TMEM165: variants seen among roughly 807,000 people sequenced by gnomAD.
TMEM165 encodes transmembrane protein 165.
A neutral mutation model predicts 30.0 loss-of-function variants in TMEM165; 19 were observed. That is an observed-to-expected ratio of 0.63 (90% confidence interval 0.44 to 0.93). The LOEUF is 0.93. Ranked by LOEUF, TMEM165 falls within the 40% of genes least tolerant of loss-of-function variation. The probability of loss-of-function intolerance (pLI) is 0.00; values close to 1 mark genes in which losing one functional copy is unlikely to be tolerated. For synonymous variants in TMEM165, 168 were observed against 162.9 expected, an observed-to-expected ratio of 1.03 and a Z score of -0.24; for missense variants, 340 against 417.0, an observed-to-expected ratio of 0.82 and a Z score of 1.61.
chr4:55,395,960 T>C lies in TMEM165; in HGVS notation c.-230T>C. 2.7e-6 allele frequency: 1 copy of C among 368,092 alleles called. No homozygotes were observed. The highest frequency in any genetic ancestry group is 4.8e-6 in the Non-Finnish European group (1 of 210,182). The allele number at this position is 368,092 out of a possible 1,614,324, so 22.8% of individuals were successfully genotyped here. On this transcript the variant is annotated 5_prime_UTR_variant, in exon 1 of 6. Coordinates refer to ENST00000381334, the MANE Select transcript of TMEM165 (RefSeq NM_018475.5). ...GGCCGCGCCGAGGCAGCTGGCTGAC[T>C]CCAGTTTAGCCGCCGCCGGAGAGGA...
chr4:55,444,676 T>C (rs1390611889), intron 3 of TMEM165: 17 of 1,614,018 alleles, frequency 1.1e-5, no homozygotes, highest in Non-Finnish European at 1.4e-5. Flanking sequence ...TTCTTGAATT[T>C]TTCTTAGTTC....
At chr4:55,424,860 A>G (rs979403727) in intron 5 of TMEM165, 3 of 517,704 alleles carry the variant, frequency 5.8e-6, no homozygotes, top group African/African-American at 3.9e-5. Context: ...TATCGAATTC[A>G]TAGTAGCTTC....
intron 3 of TMEM165, among the ~76,000 whole-genome samples, chr4:55,435,886 G>A (rs897313307): frequency 1.3e-5 from 2 of 152,126 alleles, no homozygotes; most frequent in Non-Finnish European, 2.9e-5. Flanking sequence ...TTCACTTTAT[G>A]TCCTAAAGAC....
At chr4:55,409,817 G>A (rs1451200134) in intron 1 of TMEM165, among the ~76,000 whole-genome samples, 1 of 152,156 alleles carries the variant, frequency 6.6e-6, no homozygotes, top group Non-Finnish European at 1.5e-5. Context: ...CCAACTTTGG[G>A]TGCGTCTTTG....
intron 2 of TMEM165, among the ~76,000 whole-genome samples, chr4:55,416,447 T>C (rs1721729661): frequency 6.6e-6 from 1 of 152,228 alleles, no homozygotes; most frequent in Non-Finnish European, 1.5e-5. Flanking sequence ...CTTACACAGA[T>C]GTCTTTCCTT....
At chr4:55,403,223 T>C in intron 1 of TMEM165, 1 of 1,282,680 alleles carries the variant, frequency 7.8e-7, no homozygotes, top group Non-Finnish European at 1.0e-6. Context: ...ACTTTGTTTC[T>C]GTTTTTTTGC....
In TMEM165 at chr4:55,417,964, A is replaced by G; in HGVS notation, c.771A>G (p.Thr257=). ...GGGGTGATCGCTCTCAACTAACTAC[A>G]ATTGTATTGGCAGCTAGAGAGGTGA... ...AEWGDRSQLT[T]IVLAAREDPY... The change falls in exon 4 of 6, where the codon ACA becomes ACG. Residue 257 remains threonine (T), a synonymous_variant. Transcript: ENST00000381334. 6.2e-7 allele frequency: 1 copy of G among 1,610,638 alleles called. No individual in the cohort carries two copies. The highest frequency in any genetic ancestry group is 8.5e-7 in the Non-Finnish European group (1 of 1,179,050).
intron 1 of TMEM165, among the ~76,000 whole-genome samples, chr4:55,401,699 T>C (rs1720999918): frequency 6.6e-6 from 1 of 150,618 alleles, no homozygotes; most frequent in African/African-American, 2.5e-5. Flanking sequence ...CTAGCCTTTA[T>C]ACAGCTAAGA....
intron 1 of TMEM165, among the ~76,000 whole-genome samples, chr4:55,402,794 G>GTTTTTTTTTTTTTTTTT (rs1491276185): frequency 1.9e-5 from 1 of 52,520 alleles, no homozygotes; most frequent in African/African-American, 8.3e-5. Flanking sequence ...TTTAAAAAAA[G>GTTTTTTTTTTTTTTTTT]CTTTTTTTTT....
chr4:55,417,195 G>A lies in TMEM165; in HGVS notation c.557G>A (p.Gly186Asp). Reference protein sequence around the residue: ...REGLKMSPDEGQEELEEVQAE... With the variant: ...REGLKMSPDEDQEELEEVQAE... ...GGCTTAAAGATGAGCCCTGATGAGG[G>A]TCAAGAGGAACTGGAAGAAGTTCAA... is the stretch of plus-strand genomic sequence containing the variant. The change falls in exon 3 of 6, where the codon GGT (glycine) becomes GAT (aspartate). Residue 186 changes from glycine (G) to aspartate (D), a missense_variant. Physicochemically the swap from Gly to Asp is moderately conservative, Grantham distance 94 (BLOSUM62 -1). Coordinates refer to ENST00000381334, the MANE Select transcript of TMEM165 (RefSeq NM_018475.5). 1 of 1,613,692 alleles carries A rather than the reference G, an allele frequency of 6.2e-7. No homozygotes were observed. Among genetic ancestry groups the A allele is most frequent in the Non-Finnish European group, 8.5e-7 (1 of 1,179,936 alleles).
At chr4:55,439,537 G>A (rs1723172190) in intron 3 of TMEM165, among the ~76,000 whole-genome samples, 1 of 151,884 alleles carries the variant, frequency 6.6e-6, no homozygotes, top group African/African-American at 2.4e-5. Flanking sequence ...ATGAAAGCAG[G>A]GACTCAAAGA....
At chr4:55,453,236 CTA>C in exon 4 of TMEM165, 1 of 917,582 alleles carries the variant, frequency 1.1e-6, no homozygotes. Flanking sequence ...TTCATCTAGA[CTA>C]TTTGCTATGT....
rs1274361205 is a variant in TMEM165 at position 55,403,500 on chromosome 4, T to TC, written c.207+7104_207+7105insC. 4.5e-4 allele frequency among the ~76,000 whole-genome samples: 62 copies of TC among 138,584 alleles called. 2 individuals are homozygous for TC. In the East Asian group the frequency reaches 0.011, roughly 25 times the overall value. 90.9% of individuals were successfully genotyped at this position (138,584 alleles called of 152,430 possible). ...AATGAGGGTGCCTTTTTCTTTTTCT[T>TC]TTTTTTTTTTTTACAATTTTTACAT... On this transcript the variant is annotated intron_variant, in intron 1 of 5. Coordinates refer to ENST00000381334, the MANE Select transcript of TMEM165 (RefSeq NM_018475.5).
intron 3 of TMEM165, among the ~76,000 whole-genome samples, chr4:55,436,404 TC>T (rs1229638766): frequency 1.3e-5 from 2 of 152,186 alleles, no homozygotes; most frequent in Non-Finnish European, 2.9e-5. Context: ...GAGCCTCTGT[TC>T]CTTTCACCAA....
intron 2 of TMEM165, among the ~76,000 whole-genome samples, chr4:55,413,014 C>T (rs918451576): frequency 2.0e-5 from 3 of 151,714 alleles, no homozygotes; most frequent in Admixed American, 1.3e-4. Flanking sequence ...GAGTCTTGCT[C>T]TATCACTCAG....
At chr4:55,450,919 G>A (rs1724384676) in intron 3 of TMEM165, among the ~76,000 whole-genome samples, 1 of 151,992 alleles carries the variant, frequency 6.6e-6, no homozygotes, top group South Asian at 2.1e-4. Flanking sequence ...AATTGCTTAA[G>A]CCCAGGAGCT....
chr4:55,424,932 TAAA>T, intron 5 of TMEM165: 2 of 394,484 alleles, frequency 5.1e-6, no homozygotes, highest in South Asian at 6.2e-5. Flanking sequence ...TTTTTGGCTC[TAAA>T]AATGTGTCTT....
intron 4 of TMEM165, among the ~76,000 whole-genome samples, chr4:55,420,663 A>G (rs2109558843): frequency 6.6e-6 from 1 of 152,178 alleles, no homozygotes; most frequent in East Asian, 1.9e-4. Flanking sequence ...CTGTTCCCTT[A>G]GTATTCCTAT....
chr4:55,415,056 T>G (rs1232036193), intron 2 of TMEM165, among the ~76,000 whole-genome samples: 3 of 152,258 alleles, frequency 2.0e-5, no homozygotes. Flanking sequence ...AATACCCTCT[T>G]CCTCATCAAA....
Sources: allele counts gnomAD v4.1 joint callset (sites outside exome capture counted in the v4.1 genomes callset), GRCh38; gene constraint gnomAD v4.1.1; transcripts MANE v1.5; gene names NCBI Gene and HGNC (gene_info 2026-07-23, HGNC 2026-07-21).